FRRS1L: variants seen among roughly 807,000 people sequenced by gnomAD.
The protein encoded by FRRS1L is DOMON domain-containing protein FRRS1L.
FRRS1L carries 22 observed loss-of-function variants against 28.6 expected under a neutral mutation model. The observed-to-expected ratio is 0.77, with a 90% CI of 0.55 to 1.10. The LOEUF (loss-of-function observed/expected upper bound fraction) is 1.10. Ranked by LOEUF, FRRS1L falls within the 50% of genes least tolerant of loss-of-function variation. The pLI, the probability that FRRS1L is intolerant of heterozygous loss-of-function variation, is 0.00. For missense variants in FRRS1L, 380 were observed against 386.9 expected (o/e 0.98, Z 0.15); for synonymous variants, 158 against 151.4 (o/e 1.04, Z -0.32).
intron 1 of FRRS1L, among the ~76,000 whole-genome samples, chr9:109,162,411 A>G (rs1831490686): frequency 6.6e-6 from 1 of 152,182 alleles, no homozygotes; most frequent in African/African-American, 2.4e-5. Context: ...GACACCTTCT[A>G]CCACTTTATC....
chr9:109,159,229 C>T (rs566605246), intron 1 of FRRS1L, among the ~76,000 whole-genome samples: 62 of 108,226 alleles, frequency 5.7e-4, no homozygotes, highest in Middle Eastern at 4.4e-3. Flanking sequence ...GTCTAAGGTT[C>T]CCCCTTTGTC....
rs1257227594 is a variant in FRRS1L, at chr9:109,132,731, A to C, written c.*4724T>G. The C allele has an allele frequency of 6.6e-6, 1 of 152,170 alleles. No individual in the cohort carries two copies. Among genetic ancestry groups the C allele is most frequent in the East Asian group, 1.9e-4 (1 of 5,200 alleles). 9.4% of individuals were successfully genotyped at this position (152,170 alleles called of 1,614,324 possible). On this transcript the variant is annotated 3_prime_UTR_variant, in exon 5 of 5. Coordinates refer to ENST00000561981, the MANE Select transcript of FRRS1L (RefSeq NM_014334.4). ...CTAAGAATGGTCTTTGGATTTTTTT[A>C]ATGGCTTTCTGAAAAAAATCAAAAG...
At chr9:109,151,693 A>G (rs1831331808) in intron 1 of FRRS1L, 1 of 166,234 alleles carries the variant, frequency 6.0e-6, no homozygotes, top group African/African-American at 2.4e-5. Flanking sequence ...AATGTACTTG[A>G]ATCACCCAAA....
At position 109,133,439 on chromosome 9, in the gene FRRS1L, G is replaced by C. The variant is rs1158762457; in HGVS notation, c.*4016C>G. 2 of 152,184 alleles carry C rather than the reference G, an allele frequency of 1.3e-5. No homozygotes were observed. Among genetic ancestry groups the C allele is most frequent in the African/African-American group, 4.8e-5 (2 of 41,436 alleles). 9.4% of individuals were successfully genotyped at this position (152,184 alleles called of 1,614,324 possible). The stretch of plus-strand genomic sequence containing the variant: ...GTAAATTACTAAATGGGGGAAAAAA[G>C]GCACCTAGCTAATTGGAGTATGGAT... On this transcript the variant is annotated 3_prime_UTR_variant, in exon 5 of 5. Transcript: ENST00000561981.
chr9:109,156,457 C>T (rs965752709), intron 1 of FRRS1L, among the ~76,000 whole-genome samples: 3 of 152,016 alleles, frequency 2.0e-5, no homozygotes, highest in East Asian at 1.9e-4. Flanking sequence ...GGCACGATCT[C>T]GCCTCACTGC....
At chr9:109,152,606 C>T (rs1215860931) in intron 1 of FRRS1L, among the ~76,000 whole-genome samples, 2 of 150,656 alleles carry the variant, frequency 1.3e-5, no homozygotes, top group Non-Finnish European at 3.0e-5. Context: ...AGATCGAGAC[C>T]ATCCTGGCTA....
At chr9:109,149,992 C>CTTTTTTTTTTTTTTTTTGAG in intron 1 of FRRS1L, 1 of 349,120 alleles carries the variant, frequency 2.9e-6, no homozygotes, top group Non-Finnish European at 5.3e-6. Context: ...GGCACAATTT[C>CTTTTTTTTTTTTTTTTTGAG]ATATAACCAC....
Position 109,167,238 on chromosome 9 carries a change from C to G in FRRS1L, c.-100G>C, listed in dbSNP as rs913883506. ...CTCCGCCGAGGCCACCAGCACGCGC[C>G]CGCGCAGCCGCGGAGCCTCCCGCAC... On this transcript the variant is annotated 5_prime_UTR_variant, in exon 1 of 5. Transcript: ENST00000561981. 7.2e-7 allele frequency: 1 copy of G among 1,386,630 alleles called. No homozygotes were observed. Among genetic ancestry groups the G allele is most frequent in the Non-Finnish European group, 9.4e-7 (1 of 1,066,360 alleles). The allele number at this position is 1,386,630 out of a possible 1,614,324, so 85.9% of individuals were successfully genotyped here. A position where few individuals can be genotyped will look rare whatever the true frequency, so the allele number is the denominator to read the frequency against.
chr9:109,164,767 T>C (rs75197916), intron 1 of FRRS1L, among the ~76,000 whole-genome samples: 68 of 152,310 alleles, frequency 4.5e-4, no homozygotes, highest in Non-Finnish European at 9.0e-4. Flanking sequence ...CAGTTTTATG[T>C]GCAGAATGGT....
At chr9:109,152,140 A>G (rs1171246500) in intron 1 of FRRS1L, 1 of 149,670 alleles carries the variant, frequency 6.7e-6, no homozygotes, top group East Asian at 2.0e-4. Flanking sequence ...TACTATTACT[A>G]CTGGATTATT....
chr9:109,137,631 T>C lies in FRRS1L; in HGVS notation c.710-4A>G. On this transcript the variant is annotated splice_region_variant and splice_polypyrimidine_tract_variant and intron_variant, in intron 4 of 4. Coordinates refer to ENST00000561981, the MANE Select transcript of FRRS1L (RefSeq NM_014334.4). ...ATATCATGTCGAGTGATAGAGCCTT[T>C]AAGAAAAAAAGAGAAGAGCAGGGGC... 6.5e-7 allele frequency: 1 copy of C among 1,533,942 alleles called. No individual in the cohort carries two copies.
chr9:109,142,164 T>A (rs901056259), intron 3 of FRRS1L, among the ~76,000 whole-genome samples: 2 of 152,146 alleles, frequency 1.3e-5, no homozygotes, highest in Non-Finnish European at 2.9e-5. Context: ...ATAAACTATA[T>A]AATAAAAGAG....
At position 109,163,659 on chromosome 9, in the gene FRRS1L, C is replaced by T. The variant is rs570019388; in HGVS notation, c.238+3242G>A. Among the ~76,000 whole-genome samples the T allele has an allele frequency of 2.6e-4, 39 of 152,218 alleles. No individual in the cohort carries two copies. In the East Asian group the frequency reaches 7.5e-3, roughly 29 times the overall value. On this transcript the variant is annotated intron_variant, in intron 1 of 4. Transcript: ENST00000561981. ...CTCTCTCTCAGTTTCAGTGGATTTC[C>T]ATTCCCACCTCCACTATTCAAATTC...
intron 1 of FRRS1L, among the ~76,000 whole-genome samples, chr9:109,158,998 A>G (rs536859626): frequency 9.1e-4 from 139 of 152,358 alleles, no homozygotes; most frequent in Non-Finnish European, 1.3e-3. Context: ...TTTTAAAAAA[A>G]TCAACCATCC....
chr9:109,160,642 C>T (rs1831469549), intron 1 of FRRS1L, among the ~76,000 whole-genome samples: 1 of 152,102 alleles, frequency 6.6e-6, no homozygotes, highest in South Asian at 2.1e-4. Flanking sequence ...GCTGGGATTA[C>T]AGGCATGAGC....
chr9:109,147,094 G>C lies in FRRS1L; in HGVS notation c.419C>G (p.Thr140Arg). The change falls in exon 3 of 5, where the codon ACA (threonine) becomes AGA (arginine). Residue 140 changes from threonine to arginine, a missense_variant. Coordinates refer to ENST00000561981, the MANE Select transcript of FRRS1L (RefSeq NM_014334.4). Reference protein sequence around the residue: ...ADVEFELSADTDGWVAVGFSS... With the variant: ...ADVEFELSADRDGWVAVGFSS... ...GAATCCAACTGCTACCCAACCATCT[G>C]TGTCTGCACTCAGCTCAAATTCTAC... is the stretch of plus-strand genomic sequence containing the variant. 6.2e-7 allele frequency: 1 copy of C among 1,613,770 alleles called. No individual in the cohort carries two copies.
chr9:109,167,183 G>A lies in FRRS1L; in HGVS notation c.-45C>T, dbSNP rs1235133106. On this transcript the variant is annotated 5_prime_UTR_variant, in exon 1 of 5. Transcript: ENST00000561981. ...AGCCAGGCCGCTCGGGCCGCAGCGG[G>A]GGCGCCGCGGGCGCGGGCCGGGACT... 16 of 1,159,838 alleles carry A rather than the reference G, an allele frequency of 1.4e-5. No individual in the cohort carries two copies. The highest frequency in any genetic ancestry group is 1.7e-5 in the Non-Finnish European group (16 of 944,396). The allele number at this position is 1,159,838 out of a possible 1,614,324, so 71.8% of individuals were successfully genotyped here. A position where few individuals can be genotyped will look rare whatever the true frequency, so the allele number is the denominator to read the frequency against.
rs1831054098 is a variant in FRRS1L, at chr9:109,131,274, C to G, written c.*6181G>C. On this transcript the variant is annotated 3_prime_UTR_variant, in exon 5 of 5. Coordinates refer to ENST00000561981, the MANE Select transcript of FRRS1L (RefSeq NM_014334.4). ...AGAAAAGTCACATTCAACAGTGGTA[C>G]TTTATATGTTCTTAACAATTCATAT... is the stretch of plus-strand genomic sequence containing the variant. The G allele has an allele frequency of 6.6e-6, 1 of 152,182 alleles. No individual in the cohort carries two copies. Among genetic ancestry groups the G allele is most frequent in the African/African-American group, 2.4e-5 (1 of 41,450 alleles). 9.4% of individuals were successfully genotyped at this position (152,182 alleles called of 1,614,324 possible).
chr9:109,148,553 G>A (rs140791029), intron 2 of FRRS1L: 3 of 152,170 alleles, frequency 2.0e-5, no homozygotes, highest in Admixed American at 6.5e-5. Flanking sequence ...CAATATACGC[G>A]CAGATGGAAG....
Sources: gnomAD v4.1 joint callset for allele counts (sites outside exome capture counted in the v4.1 genomes callset) on GRCh38, gnomAD v4.1.1 for gene constraint, MANE v1.5 for transcripts, NCBI Gene and HGNC (gene_info 2026-07-23, HGNC 2026-07-21) for gene names.